FOXP1: variants seen among roughly 807,000 people sequenced by gnomAD.
The protein encoded by FOXP1 is forkhead box P1.
A neutral mutation model predicts 98.2 loss-of-function variants in FOXP1; 15 were observed. The ratio of observed to expected loss-of-function variants is 0.15; its 90% CI spans 0.10 to 0.24. FOXP1 has a LOEUF of 0.24. FOXP1 is among the 10% of genes least tolerant of loss of function. FOXP1 has a pLI of 1.00. For synonymous variants in FOXP1, 371 were observed against 314.5 expected (o/e 1.18, Z -1.90); for missense variants, 633 against 848.5 (o/e 0.75, Z 3.15).
At chr3:71,171,496 C>T (rs1032798549) in intron 6 of FOXP1, among the ~76,000 whole-genome samples, 1 of 152,166 alleles carries the variant, frequency 6.6e-6, no homozygotes, top group African/African-American at 2.4e-5. Flanking sequence ...TTCCCGCTCC[C>T]GGCTCTGTCA....
intron 7 of FOXP1, among the ~76,000 whole-genome samples, chr3:71,095,631 A>C (rs997567462): frequency 6.6e-6 from 1 of 152,108 alleles, no homozygotes; most frequent in Non-Finnish European, 1.5e-5. Flanking sequence ...TTTAAATAAC[A>C]TTTAGGCTGC....
intron 5 of FOXP1, among the ~76,000 whole-genome samples, chr3:71,274,630 G>C (rs748589115): frequency 1.3e-4 from 20 of 152,150 alleles, no homozygotes; most frequent in Non-Finnish European, 2.8e-4. Context: ...AACTAAAAAA[G>C]TATTTTCGAT....
chr3:71,525,200 T>A (rs918357518), intron 2 of FOXP1, among the ~76,000 whole-genome samples: 6 of 152,180 alleles, frequency 3.9e-5, no homozygotes, highest in African/African-American at 1.4e-4. Flanking sequence ...AAATGAATTA[T>A]CACAAGTGAT....
At chr3:70,983,448 G>C (rs1045824769) in intron 14 of FOXP1, among the ~76,000 whole-genome samples, 4 of 152,068 alleles carry the variant, frequency 2.6e-5, no homozygotes, top group African/African-American at 9.7e-5. Flanking sequence ...TTCTTTTCGG[G>C]GGGGCACTTT....
At chr3:71,290,011 A>G (rs2072574361) in intron 5 of FOXP1, 6 of 152,212 alleles carry the variant, frequency 3.9e-5, no homozygotes, top group Admixed American at 3.9e-4. Context: ...TATCACTTAC[A>G]TGCTTATAAA....
intron 6 of FOXP1, among the ~76,000 whole-genome samples, chr3:71,182,216 T>A (rs570020862): frequency 4.6e-5 from 7 of 152,194 alleles, no homozygotes; most frequent in Non-Finnish European, 8.8e-5. Flanking sequence ...TGTGGAGAGA[T>A]AACACCAGGG....
chr3:71,102,214 AACAG>A (rs2057025386), intron 7 of FOXP1, among the ~76,000 whole-genome samples: 2 of 152,274 alleles, frequency 1.3e-5, no homozygotes, highest in African/African-American at 2.4e-5. Flanking sequence ...CACAACCAAA[AACAG>A]ACAGTCTGGA....
intron 5 of FOXP1, among the ~76,000 whole-genome samples, chr3:71,272,852 G>A (rs762941703): frequency 5.9e-5 from 9 of 152,082 alleles, no homozygotes; most frequent in South Asian, 4.1e-4. Context: ...ATCTCTTCCC[G>A]AACTGCTAGG....
chr3:70,970,666 T>C, intron 19 of FOXP1, 70 bp downstream of exon 19: 1 of 1,179,978 alleles, frequency 8.5e-7, no homozygotes. Context: ...AGAGCAAGGC[T>C]AATATATTTT....
intron 5 of FOXP1, among the ~76,000 whole-genome samples, chr3:71,259,206 A>C (rs1008372095): frequency 9.9e-5 from 15 of 152,202 alleles, no homozygotes; most frequent in Admixed American, 9.2e-4. Flanking sequence ...ATGAGTGGGC[A>C]CGGCAACCAA....
chr3:71,549,606 C>T (rs561313110), intron 2 of FOXP1, among the ~76,000 whole-genome samples: 1 of 152,252 alleles, frequency 6.6e-6, no homozygotes, highest in Admixed American at 6.5e-5. Context: ...AACTTCTGGC[C>T]TCAGGCGATC....
chr3:71,442,905 G>A (rs1169240692), intron 3 of FOXP1, among the ~76,000 whole-genome samples: 3 of 151,138 alleles, frequency 2.0e-5, no homozygotes, highest in Non-Finnish European at 4.4e-5. Context: ...TTATTTTTTT[G>A]AGACATAGTC....
intron 7 of FOXP1, among the ~76,000 whole-genome samples, chr3:71,090,814 T>C (rs752118864): frequency 6.6e-6 from 1 of 152,154 alleles, no homozygotes; most frequent in African/African-American, 2.4e-5. Flanking sequence ...CCATCTGGCA[T>C]ATATCAAAGA....
intron 5 of FOXP1, among the ~76,000 whole-genome samples, chr3:71,202,833 C>A (rs2063759246): frequency 1.3e-5 from 2 of 152,156 alleles, no homozygotes; most frequent in Non-Finnish European, 1.5e-5. Context: ...AAACAACTGT[C>A]TTTTTCTTTT....
At chr3:71,402,770 G>C (rs967867126) in intron 3 of FOXP1, among the ~76,000 whole-genome samples, 1 of 152,242 alleles carries the variant, frequency 6.6e-6, no homozygotes. Flanking sequence ...AAGGGGAAAA[G>C]TTATAAGAGA....
intron 2 of FOXP1, among the ~76,000 whole-genome samples, chr3:71,505,415 CTTTTTTTTTTTTTT>C (rs66459828): frequency 1.2e-5 from 1 of 82,112 alleles, no homozygotes; most frequent in African/African-American, 5.5e-5. Context: ...AAGAGGGATG[CTTTTTTTTTTTTTT>C]TTTTTTTTTG....
chr3:71,208,105 A>C (rs1381326844), intron 5 of FOXP1, among the ~76,000 whole-genome samples: 1 of 152,238 alleles, frequency 6.6e-6, no homozygotes, highest in Admixed American at 6.5e-5. Context: ...CTCCCTTCTC[A>C]AACTTGACAA....
At chr3:71,117,026 A>G (rs779663937) in intron 6 of FOXP1, among the ~76,000 whole-genome samples, 13 of 152,112 alleles carry the variant, frequency 8.5e-5, no homozygotes, top group Admixed American at 2.6e-4. Flanking sequence ...TTTACCTGTT[A>G]TGTGATCAGA....
intron 3 of FOXP1, among the ~76,000 whole-genome samples, chr3:71,464,271 G>A (rs1035715926): frequency 6.6e-6 from 1 of 152,108 alleles, no homozygotes; most frequent in Middle Eastern, 3.2e-3. Context: ...ACGAGATCCT[G>A]TCTCAAAAAG....
Sources: allele counts gnomAD v4.1 joint callset (sites outside exome capture counted in the v4.1 genomes callset), GRCh38; gene constraint gnomAD v4.1.1; transcripts MANE v1.5; gene names NCBI Gene and HGNC (gene_info 2026-07-23, HGNC 2026-07-21).